SBNO1: variants seen among roughly 807,000 people sequenced by gnomAD.
The protein encoded by SBNO1 is protein strawberry notch homolog 1.
In SBNO1, 23 loss-of-function variants were observed where a neutral mutation model predicts 173.6. That is an observed-to-expected ratio of 0.13 (90% CI 0.10 to 0.19). SBNO1 has a LOEUF of 0.19. Among genes scored for constraint, SBNO1 ranks in the 10% least tolerant of loss-of-function variants. The pLI is 1.00. For missense variants in SBNO1, 1,238 were observed against 1,671.2 expected, an observed-to-expected ratio of 0.74 and a Z score of 4.52; for synonymous variants, 632 against 571.5, an observed-to-expected ratio of 1.11 and a Z score of -1.51.
chr12:123,334,916 T>C (rs1296230553), intron 6 of SBNO1, among the ~76,000 whole-genome samples: 1 of 152,082 alleles, frequency 6.6e-6, no homozygotes, highest in Non-Finnish European at 1.5e-5. Flanking sequence ...AGGCTAGGCA[T>C]GAAGGTTCAT....
chr12:123,317,184 C>T, intron 21 of SBNO1, 37 bp downstream of exon 21: 1 of 1,609,164 alleles, frequency 6.2e-7, no homozygotes, highest in Non-Finnish European at 8.5e-7. Flanking sequence ...TGATTCCTAG[C>T]TATCCATTAA....
chr12:123,308,529 A>G (rs991721781), intron 28 of SBNO1, among the ~76,000 whole-genome samples: 2 of 151,900 alleles, frequency 1.3e-5, no homozygotes, highest in Admixed American at 1.3e-4. Flanking sequence ...AAAATTAGCC[A>G]GGCGTGGTGG....
chr12:123,324,327 T>C (rs1305536867), intron 15 of SBNO1, among the ~76,000 whole-genome samples: 7 of 784 alleles, frequency 8.9e-3, no homozygotes, highest in African/African-American at 0.026. Context: ...CTTTTTTCTT[T>C]TTTTTTTTTT....
intron 1 of SBNO1, among the ~76,000 whole-genome samples, chr12:123,358,742 C>CAAAAAAA (rs1164585887): frequency 3.7e-4 from 29 of 78,400 alleles, no homozygotes; most frequent in African/African-American, 1.3e-3. Flanking sequence ...GACTCCGTCT[C>CAAAAAAA]AAAAAAAAAA....
chr12:123,315,804 A>C (rs1057147223), intron 21 of SBNO1, 144 bp from the exon 22 acceptor site: 1 of 597,220 alleles, frequency 1.7e-6, no homozygotes, highest in South Asian at 2.1e-5. Flanking sequence ...AAATTACCAT[A>C]ACACACATAA....
chr12:123,348,626 T>A (rs1171566576), intron 2 of SBNO1, among the ~76,000 whole-genome samples: 1 of 151,490 alleles, frequency 6.6e-6, no homozygotes, highest in Admixed American at 6.6e-5. Context: ...ATTCACCGAG[T>A]GTGGTGGTGG....
Position 123,295,900 on chromosome 12 carries a change from T to C in SBNO1, c.*8A>G, listed in dbSNP as rs765507877. 40 of 1,613,084 alleles carry C rather than the reference T, an allele frequency of 2.5e-5. No homozygotes were observed. The highest frequency in any genetic ancestry group is 8.5e-7 in the Non-Finnish European group (1 of 1,179,328). On this transcript the variant is annotated 3_prime_UTR_variant, in exon 32 of 32. Transcript: ENST00000602398. ...TCAGATCCATCCATGTTGAAACCTG[T>C]CTGTTCTTCATGCGTTGCTCAAGTT... is the stretch of plus-strand genomic sequence containing the variant.
chr12:123,340,088 C>T (rs67624109), intron 5 of SBNO1, among the ~76,000 whole-genome samples: 29,615 of 152,102 alleles, frequency 0.19, 3,057 homozygotes, highest in Middle Eastern at 0.28. Context: ...TAGCACATTG[C>T]ATACCATTTG....
At chr12:123,299,141 G>A (rs530563793) in intron 30 of SBNO1, among the ~76,000 whole-genome samples, 29 of 152,294 alleles carry the variant, frequency 1.9e-4, no homozygotes, top group Middle Eastern at 3.4e-3. Flanking sequence ...GGACAAGGCC[G>A]GCTGATCACA....
intron 4 of SBNO1, among the ~76,000 whole-genome samples, chr12:123,342,393 A>C (rs10773012): frequency 0.95 from 144,857 of 152,090 alleles, 69,108 homozygotes; most frequent in Non-Finnish European, 0.96. Context: ...AGAGCCTGCA[A>C]TGAGCCGAGA....
At chr12:123,348,644 T>C (rs528763371) in intron 2 of SBNO1, among the ~76,000 whole-genome samples, 17 of 152,218 alleles carry the variant, frequency 1.1e-4, no homozygotes, top group African/African-American at 4.1e-4. Context: ...TGGGCGCCTG[T>C]AGTCCCAGCT....
At chr12:123,317,459 C>A in intron 20 of SBNO1, 103 bp from the exon 21 acceptor site, 1 of 1,002,164 alleles carries the variant, frequency 1.0e-6, no homozygotes, top group Non-Finnish European at 1.5e-6. Context: ...CTCCTTCTTT[C>A]TCAATAATGA....
chr12:123,319,787 T>A, intron 20 of SBNO1, 113 bp downstream of exon 20: 1 of 873,236 alleles, frequency 1.1e-6, no homozygotes, highest in Non-Finnish European at 1.8e-6. Flanking sequence ...AAATACAGAA[T>A]GACAATACTC....
At chr12:123,329,718 T>C (rs1158267341) in intron 9 of SBNO1, among the ~76,000 whole-genome samples, 4 of 152,144 alleles carry the variant, frequency 2.6e-5, no homozygotes, top group Admixed American at 6.5e-5. Flanking sequence ...AGCCACTGTT[T>C]AGGGCAACAC....
At chr12:123,338,863 A>G (rs1872170021) in intron 5 of SBNO1, among the ~76,000 whole-genome samples, 1 of 148,564 alleles carries the variant, frequency 6.7e-6, no homozygotes, top group African/African-American at 2.5e-5. Flanking sequence ...ACAGCAAGAC[A>G]CCGTCTAAAC....
In SBNO1 at chr12:123,364,727, C is replaced by G; in HGVS notation, c.-27G>C. ...TTCCCCGCGGGACCCGGCGCCAGCA[C>G]AGCTCCTCCCGGGAGGTGTGAGTTT... On this transcript the variant is annotated 5_prime_UTR_variant, in exon 1 of 32. Coordinates refer to ENST00000602398, the MANE Select transcript of SBNO1 (RefSeq NM_001167856.3). The G allele has an allele frequency of 1.6e-5, 16 of 987,134 alleles. No individual in the cohort carries two copies. Among genetic ancestry groups the G allele is most frequent in the Non-Finnish European group, 1.9e-5 (16 of 830,870 alleles). 61.1% of individuals were successfully genotyped at this position (987,134 alleles called of 1,614,324 possible).
At chr12:123,363,439 G>A (rs1875634470) in intron 1 of SBNO1, among the ~76,000 whole-genome samples, 2 of 152,128 alleles carry the variant, frequency 1.3e-5, no homozygotes, top group South Asian at 4.1e-4. Flanking sequence ...AGGGCACTCC[G>A]GATGACAGTT....
intron 28 of SBNO1, among the ~76,000 whole-genome samples, chr12:123,307,984 A>G (rs922073766): frequency 6.6e-6 from 1 of 152,152 alleles, no homozygotes; most frequent in African/African-American, 2.4e-5. Flanking sequence ...TGGCAGGAGA[A>G]TCGCTTGAAC....
At chr12:123,336,961 C>T (rs1871923792) in intron 5 of SBNO1, among the ~76,000 whole-genome samples, 1 of 152,362 alleles carries the variant, frequency 6.6e-6, no homozygotes, top group Non-Finnish European at 1.5e-5. Flanking sequence ...CTCAGTCTCA[C>T]ATTCCACCTT....
Sources: gnomAD v4.1 joint callset for allele counts (sites outside exome capture counted in the v4.1 genomes callset) on GRCh38, gnomAD v4.1.1 for gene constraint, MANE v1.5 for transcripts, NCBI Gene and HGNC (gene_info 2026-07-23, HGNC 2026-07-21) for gene names.